Variants in CCDC146 observed in about 807,000 individuals in gnomAD.
CCDC146 encodes coiled-coil domain containing 146, also known as coiled-coil domain-containing protein 146.
Under a neutral mutation model 119.3 loss-of-function variants are expected in CCDC146, and 92 were observed. That is an observed-to-expected ratio of 0.77 (90% CI 0.65 to 0.92). The LOEUF is 0.92. Ranked by LOEUF, CCDC146 falls within the 40% of genes least tolerant of loss-of-function variation. The pLI, the probability that CCDC146 is intolerant of heterozygous loss-of-function variation, is 0.00. For missense variants in CCDC146, 1,000 were observed against 1,103.0 expected (o/e 0.91, Z 1.32); for synonymous variants, 372 against 371.8 (o/e 1.00, Z -0.01).
intron 2 of CCDC146, among the ~76,000 whole-genome samples, chr7:77,190,733 G>T (rs181048959): frequency 6.6e-6 from 1 of 152,174 alleles, no homozygotes; most frequent in Admixed American, 6.5e-5. Context: ...TGACTTAGTA[G>T]ACATTGTGAT....
intron 1 of CCDC146, among the ~76,000 whole-genome samples, chr7:77,141,923 A>G (rs1790938703): frequency 6.6e-6 from 1 of 151,970 alleles, no homozygotes; most frequent in African/African-American, 2.4e-5. Flanking sequence ...GTTTAATTAG[A>G]TCTCATTTGT....
intron 2 of CCDC146, among the ~76,000 whole-genome samples, chr7:77,224,666 G>T (rs554377921): frequency 5.9e-5 from 9 of 152,294 alleles, no homozygotes; most frequent in African/African-American, 2.2e-4. Context: ...GATAGAGGGA[G>T]GAGACAGGTT....
In CCDC146 at chr7:77,279,106, G is replaced by T. The variant is rs1161190567; in HGVS notation, c.1694+5G>T. The T allele has an allele frequency of 1.9e-6, 3 of 1,609,164 alleles. No individual in the cohort carries two copies. The highest frequency in any genetic ancestry group is 1.7e-4 in the Middle Eastern group (1 of 6,008). ...TAGTGCCGTTAGTCAAGAAAGGTAAGTGTTATAATAACTATTGGCCTTTCA... is the reference window on the plus strand; with the variant it reads ...TAGTGCCGTTAGTCAAGAAAGGTAATTGTTATAATAACTATTGGCCTTTCA... On this transcript the variant is annotated splice_donor_5th_base_variant and intron_variant, in intron 13 of 18. Transcript: ENST00000285871.
chr7:77,218,492 C>G (rs1345158418), intron 2 of CCDC146, among the ~76,000 whole-genome samples: 1 of 151,870 alleles, frequency 6.6e-6, no homozygotes, highest in African/African-American at 2.4e-5. Context: ...TATGGTAGCT[C>G]TGAAAGTCAT....
At chr7:77,253,668 G>T (rs1793122021) in intron 4 of CCDC146, among the ~76,000 whole-genome samples, 1 of 152,202 alleles carries the variant, frequency 6.6e-6, no homozygotes, top group Non-Finnish European at 1.5e-5. Context: ...TTCTAGTGGG[G>T]AGATGTGTAA....
chr7:77,148,274 G>A (rs1248995625), intron 1 of CCDC146, among the ~76,000 whole-genome samples: 2 of 152,274 alleles, frequency 1.3e-5, no homozygotes, highest in South Asian at 2.1e-4. Flanking sequence ...CAGTATTAGG[G>A]TGGGAGTGAC....
rs766302215 is a variant in CCDC146, at chr7:77,260,112, G to A, written c.862G>A (p.Glu288Lys). 2 of 1,613,844 alleles carry A rather than the reference G, an allele frequency of 1.2e-6. No individual in the cohort carries two copies. The highest frequency in any genetic ancestry group is 1.3e-5 in the African/African-American group (1 of 74,864). The change falls in exon 8 of 19, where the codon GAA (glutamate) becomes AAA (lysine). Residue 288 changes from glutamate (E) to lysine (K), a missense_variant. By Grantham distance (56) the Glu-to-Lys change is moderately conservative. Transcript: ENST00000285871. The stretch of plus-strand genomic sequence containing the variant: ...GGTTAGTGCTATAGTGGATGAGAAG[G>A]AAAATGTAATAAAGGAAGTTGAAGG... ...NKVSAIVDEKENVIKEVEGKR... is the reference protein window; with the variant it reads ...NKVSAIVDEKKNVIKEVEGKR...
rs547820594 is a variant in CCDC146, at chr7:77,147,040, GC to G, written c.-11-20617del. On this transcript the variant is annotated intron_variant, in intron 1 of 18. Coordinates refer to ENST00000285871, the MANE Select transcript of CCDC146 (RefSeq NM_020879.3). The stretch of plus-strand genomic sequence containing the variant: ...GGTTCCATTCTCCCCGTCACTTTAA[GC>G]TACACCAATCAGATGTAGATTTGGT... Among the ~76,000 whole-genome samples, 293 of 152,288 alleles carry G rather than the reference GC, an allele frequency of 1.9e-3. 1 individual carries two copies. The highest frequency in any genetic ancestry group is 2.7e-3 in the Non-Finnish European group (181 of 68,026).
intron 2 of CCDC146, among the ~76,000 whole-genome samples, chr7:77,189,426 T>C (rs1791724610): frequency 6.6e-6 from 1 of 152,222 alleles, no homozygotes; most frequent in African/African-American, 2.4e-5. Flanking sequence ...AGCAAGAATA[T>C]TGCAAACATC....
At chr7:77,208,776 C>A (rs1402845286) in intron 2 of CCDC146, among the ~76,000 whole-genome samples, 1 of 152,218 alleles carries the variant, frequency 6.6e-6, no homozygotes, top group Non-Finnish European at 1.5e-5. Flanking sequence ...ATGATCACAG[C>A]AGCTCCCTGT....
At position 77,225,045 on chromosome 7, in the gene CCDC146, T is replaced by C. The variant is rs148657658; in HGVS notation, c.157-11902T>C. On this transcript the variant is annotated intron_variant, in intron 2 of 18. Transcript: ENST00000285871. ...ATGCCCAAGATGGATTTTGTCTTGTTTGTTTTTGAAATGAGAGAGATGAGC... is the reference window on the plus strand; with the variant it reads ...ATGCCCAAGATGGATTTTGTCTTGTCTGTTTTTGAAATGAGAGAGATGAGC... 3.2e-3 allele frequency among the ~76,000 whole-genome samples: 485 copies of C among 152,330 alleles called. 2 individuals carry two copies. The highest frequency in any genetic ancestry group is 4.2e-3 in the Non-Finnish European group (285 of 68,032).
At chr7:77,153,915 A>G (rs957513708) in intron 1 of CCDC146, among the ~76,000 whole-genome samples, 22 of 152,042 alleles carry the variant, frequency 1.4e-4, no homozygotes, top group Admixed American at 6.5e-4. Flanking sequence ...GATGCTTTTC[A>G]GTTGGTGAAT....
intron 17 of CCDC146, 114 bp from the exon 18 acceptor site, chr7:77,292,838 C>A: frequency 9.3e-7 from 1 of 1,073,528 alleles, no homozygotes; most frequent in Non-Finnish European, 1.3e-6. Context: ...CCAAGTTAGA[C>A]CCTCCTTCCT....
chr7:77,282,185 G>A, intron 14 of CCDC146: 1 of 190,306 alleles, frequency 5.3e-6, no homozygotes, highest in Non-Finnish European at 1.1e-5. Context: ...TGTGCTTCTG[G>A]CCAGGCCTTG....
intron 2 of CCDC146, among the ~76,000 whole-genome samples, chr7:77,174,663 T>G (rs1791476486): frequency 6.6e-6 from 1 of 152,172 alleles, no homozygotes; most frequent in African/African-American, 2.4e-5. Context: ...CAGACCTCTT[T>G]TAGCTAGTCC....
At chr7:77,148,929 T>C (rs1791066395) in intron 1 of CCDC146, among the ~76,000 whole-genome samples, 2 of 152,170 alleles carry the variant, frequency 1.3e-5, no homozygotes, top group African/African-American at 4.8e-5. Flanking sequence ...GATTCAATGC[T>C]ATCCCCATCA....
chr7:77,267,621 G>T (rs1793432902), intron 9 of CCDC146, among the ~76,000 whole-genome samples: 1 of 151,380 alleles, frequency 6.6e-6, no homozygotes, highest in African/African-American at 2.4e-5. Context: ...TGTATACACG[G>T]TATTCTCATG....
At chr7:77,287,296 G>A (rs576999656) in intron 16 of CCDC146, 144 bp from the exon 17 acceptor site, 1 of 784,866 alleles carries the variant, frequency 1.3e-6, no homozygotes, top group Non-Finnish European at 2.1e-6. Flanking sequence ...CAGGGGCTGG[G>A]GCAGGGAAAG....
chr7:77,263,112 C>T (rs1015337395), intron 9 of CCDC146, among the ~76,000 whole-genome samples: 3 of 152,202 alleles, frequency 2.0e-5, no homozygotes, highest in Non-Finnish European at 4.4e-5. Context: ...ACAGGAGTTT[C>T]CAGCTGTGGT....
Sources: gnomAD v4.1 joint callset for allele counts (sites outside exome capture counted in the v4.1 genomes callset) on GRCh38, gnomAD v4.1.1 for gene constraint, MANE v1.5 for transcripts, NCBI Gene and HGNC (gene_info 2026-07-23, HGNC 2026-07-21) for gene names.